LRRC61: variants seen among roughly 807,000 people sequenced by gnomAD.
The protein encoded by LRRC61 is leucine-rich repeat-containing protein 61.
A neutral mutation model predicts 15.1 loss-of-function variants in LRRC61; 9 were observed. The ratio of observed to expected loss-of-function variants is 0.60; its 90% CI spans 0.36 to 1.04. The LOEUF (loss-of-function observed/expected upper bound fraction) is 1.04. Among genes scored for constraint, LRRC61 ranks in the 50% least tolerant of loss-of-function variants. LRRC61 has a pLI of 0.01. For missense variants in LRRC61, 344 were observed against 335.6 expected (o/e 1.03, Z -0.20); for synonymous variants, 173 against 158.6 (o/e 1.09, Z -0.68).
Position 150,333,350 on chromosome 7 carries a change from C to G in LRRC61, c.-144-3368C>G, listed in dbSNP as rs1283092314. On this transcript the variant is annotated intron_variant, in intron 2 of 2. Coordinates refer to ENST00000359623, the MANE Select transcript of LRRC61 (RefSeq NM_001142928.2). The surrounding 1 kb of genome is among the most constrained non-coding windows in gnomAD (Gnocchi z 4.3). ...TCCAAGTGGGGTAAGGGGAGTGGTT[C>G]TGTTGGTGTCTAGTGGACAAAGGCC... Among the ~76,000 whole-genome samples, 1 of 152,188 alleles carries G rather than the reference C, an allele frequency of 6.6e-6. No homozygotes were observed.
the LRRC61 span, among the ~76,000 whole-genome samples, chr7:150,314,823 A>C: frequency 6.7e-6 from 1 of 149,418 alleles, no homozygotes; most frequent in African/African-American, 2.4e-5. Flanking sequence ...ACAGTGGCAC[A>C]CACCTGTAGT....
At chr7:150,334,874 C>T (rs540895440) in intron 2 of LRRC61, among the ~76,000 whole-genome samples, 1 of 152,184 alleles carries the variant, frequency 6.6e-6, no homozygotes, top group South Asian at 2.1e-4. Context: ...CAAAAATTAG[C>T]CAGGCATGGT....
rs1031192515 is a variant in LRRC61, at chr7:150,337,867, C to A, written c.*226C>A. On this transcript the variant is annotated 3_prime_UTR_variant, in exon 3 of 3. Transcript: ENST00000359623. ...GTGTAAGGGCTCCCACATCCGTGAGCCTGTGTCCGCAGCTGCTGCCACTCT... is the reference window on the plus strand; with the variant it reads ...GTGTAAGGGCTCCCACATCCGTGAGACTGTGTCCGCAGCTGCTGCCACTCT... 1 of 576,994 alleles carries A rather than the reference C, an allele frequency of 1.7e-6. No homozygotes were observed. The highest frequency in any genetic ancestry group is 3.0e-6 in the Non-Finnish European group (1 of 328,046). The allele number at this position is 576,994 out of a possible 1,614,324, so 35.7% of individuals were successfully genotyped here.
chr7:150,337,390 C>T lies in LRRC61; in HGVS notation c.529C>T (p.Arg177Ter), dbSNP rs183507482. The change falls in exon 3 of 3, where the codon CGA becomes TGA. Residue 177 changes from arginine to a stop codon, truncating the protein, a stop_gained. Coordinates refer to ENST00000359623, the MANE Select transcript of LRRC61 (RefSeq NM_001142928.2). LOFTEE classifies it high-confidence loss of function. ...GRGSEFYQLC[R>*]DLDSSLRPSS... Reference sequence around the variant, plus strand: ...TGGTAGTGAGTTCTACCAGCTGTGCCGAGACCTGGACAGCTCCTTGCGTCC... The same window carrying T: ...TGGTAGTGAGTTCTACCAGCTGTGCTGAGACCTGGACAGCTCCTTGCGTCC... The T allele has an allele frequency of 1.2e-4, 193 of 1,605,748 alleles. No individual in the cohort carries two copies. The highest frequency in any genetic ancestry group is 1.5e-4 in the Admixed American group (9 of 60,026).
chr7:150,315,377 CAGCCGAA>C, the LRRC61 span, among the ~76,000 whole-genome samples: 1 of 152,086 alleles, frequency 6.6e-6, no homozygotes, highest in African/African-American at 2.4e-5. Context: ...AGAGGATATG[CAGCCGAA>C]GATGCTAGCA....
chr7:150,332,140 G>A (rs946549879), intron 2 of LRRC61: 2 of 167,116 alleles, frequency 1.2e-5, no homozygotes, highest in Non-Finnish European at 2.9e-5. Flanking sequence ...TTTTAAAGGG[G>A]AAGTCCCTTA....
rs1461190079 is a variant in LRRC61, at chr7:150,323,558, C to T, written c.-317C>T. The T allele has an allele frequency of 2.3e-6, 1 of 441,536 alleles. No individual in the cohort carries two copies. The highest frequency in any genetic ancestry group is 2.5e-5 in the Admixed American group (1 of 40,434). The allele number at this position is 441,536 out of a possible 1,614,324, so 27.4% of individuals were successfully genotyped here. A position where few individuals can be genotyped will look rare whatever the true frequency, so the allele number is the denominator to read the frequency against. On this transcript the variant is annotated splice_region_variant and 5_prime_UTR_variant, in exon 1 of 3. Coordinates refer to ENST00000359623, the MANE Select transcript of LRRC61 (RefSeq NM_001142928.2). ...TCCGCAGGCTGCCGGCTCCACCCCT[C>T]AGGTAAGCGGGGACTGGGCCGCCGA...
Position 150,330,208 on chromosome 7 carries a change from T to G in LRRC61, c.-145+4198T>G. ...ACCCAGCTCCAGCGCCAGCGCAGCC[T>G]CCTAGCCCACCAGCCCTTTGAGGAG... On this transcript the variant is annotated intron_variant, in intron 2 of 2. Coordinates refer to ENST00000359623, the MANE Select transcript of LRRC61 (RefSeq NM_001142928.2). This position sits in a 1 kb window ranked among gnomAD's most constrained non-coding sequence, Gnocchi z 4.6. The G allele has an allele frequency of 1.7e-6, 1 of 596,596 alleles. No homozygotes were observed. Among genetic ancestry groups the G allele is most frequent in the East Asian group, 2.8e-5 (1 of 35,692 alleles). 37.0% of individuals were successfully genotyped at this position (596,596 alleles called of 1,614,324 possible).
At chr7:150,312,090 G>A in the LRRC61 span, among the ~76,000 whole-genome samples, 2 of 152,306 alleles carry the variant, frequency 1.3e-5, no homozygotes, top group East Asian at 3.9e-4. Flanking sequence ...TAAAGAAAAT[G>A]CCTACGCCAA....
chr7:150,330,966 AAG>A lies in LRRC61; in HGVS notation c.-145+4959_-145+4960del. The A allele has an allele frequency of 6.2e-7, 1 of 1,611,950 alleles. No homozygotes were observed. The highest frequency in any genetic ancestry group is 8.5e-7 in the Non-Finnish European group (1 of 1,179,934). On this transcript the variant is annotated intron_variant, in intron 2 of 2. Coordinates refer to ENST00000359623, the MANE Select transcript of LRRC61 (RefSeq NM_001142928.2). This position sits in a 1 kb window ranked among gnomAD's most constrained non-coding sequence, Gnocchi z 4.6. ...GAGAAGCGGGGGCTCGCTGTCCACC[AAG>A]AGCCACTGGGCCAGCATCATTGTCA...
At position 150,331,215 on chromosome 7, in the gene LRRC61, G is replaced by A. The variant is rs1798099748; in HGVS notation, c.-145+5205G>A. 9 of 1,251,712 alleles carry A rather than the reference G, an allele frequency of 7.2e-6. No homozygotes were observed. In the South Asian group the frequency reaches 1.2e-4, roughly 17 times the overall value. 77.5% of individuals were successfully genotyped at this position (1,251,712 alleles called of 1,614,324 possible). A position where few individuals can be genotyped will look rare whatever the true frequency, so the allele number is the denominator to read the frequency against. On this transcript the variant is annotated intron_variant, in intron 2 of 2. Transcript: ENST00000359623. ...ATCTCCTCTTCTTGAAGGCCAACCT[G>A]GAGCAGTTCCCCAACTACACCCCGC...
intron 2 of LRRC61, 140 bp downstream of exon 2, chr7:150,326,150 A>C (rs1053920259): frequency 6.6e-6 from 1 of 152,198 alleles, no homozygotes; most frequent in Non-Finnish European, 1.5e-5. Flanking sequence ...TCTAATGATG[A>C]GCCCATTTCT....
chr7:150,310,565 C>G, the LRRC61 span, among the ~76,000 whole-genome samples: 772 of 152,166 alleles, frequency 5.1e-3, 11 homozygotes, highest in African/African-American at 0.018. Context: ...CTCAGTACCC[C>G]CTTCCACAAC....
rs374205555 is a variant in LRRC61 at position 150,330,714 on chromosome 7, G to T, written c.-145+4704G>T. The T allele has an allele frequency of 1.9e-6, 3 of 1,570,460 alleles. No individual in the cohort carries two copies. In the Admixed American group the frequency reaches 5.0e-5, roughly 26 times the overall value. ...CATTGACCACTGGAAGCAAGTCCTC[G>T]TGTACAAGGTGAAGGAGATTAGAGT... On this transcript the variant is annotated intron_variant, in intron 2 of 2. Coordinates refer to ENST00000359623, the MANE Select transcript of LRRC61 (RefSeq NM_001142928.2). This position sits in a 1 kb window ranked among gnomAD's most constrained non-coding sequence, Gnocchi z 4.6.
chr7:150,309,922 T>C, the LRRC61 span, among the ~76,000 whole-genome samples: 1 of 152,140 alleles, frequency 6.6e-6, no homozygotes, highest in Non-Finnish European at 1.5e-5. Context: ...CCCTTTTTAA[T>C]TGATATGGAG....
intron 2 of LRRC61, among the ~76,000 whole-genome samples, chr7:150,326,638 A>G (rs1260464832): frequency 6.6e-6 from 1 of 151,032 alleles, no homozygotes; most frequent in Admixed American, 6.6e-5. Context: ...AAGGTAGATC[A>G]TGCCACTGTA....
the LRRC61 span, among the ~76,000 whole-genome samples, chr7:150,311,417 C>G: frequency 6.6e-6 from 1 of 152,224 alleles, no homozygotes; most frequent in Admixed American, 6.5e-5. Flanking sequence ...CAATCACAAG[C>G]TATGCTCCAC....
intron 2 of LRRC61, among the ~76,000 whole-genome samples, chr7:150,332,875 C>T (rs1251646993): frequency 6.6e-6 from 1 of 152,128 alleles, no homozygotes; most frequent in Non-Finnish European, 1.5e-5. Context: ...CTCACTACTG[C>T]CCCTGGCTCC....
the LRRC61 span, among the ~76,000 whole-genome samples, chr7:150,310,062 G>T: frequency 6.7e-3 from 1,021 of 152,176 alleles, 17 homozygotes; most frequent in African/African-American, 0.023. Flanking sequence ...TAGACAACAT[G>T]CTTTTATGCA....
Sources: allele counts gnomAD v4.1 joint callset (sites outside exome capture counted in the v4.1 genomes callset), GRCh38; gene constraint gnomAD v4.1.1; non-coding constraint Gnocchi (gnomAD v3.1); transcripts MANE v1.5; gene names NCBI Gene and HGNC (gene_info 2026-07-23, HGNC 2026-07-21).